ACKR2: variants seen among roughly 807,000 people sequenced by gnomAD.
ACKR2 encodes atypical chemokine receptor 2.
For missense variants in ACKR2, 457 were observed against 477.3 expected, an observed-to-expected ratio of 0.96 and a Z score of 0.40; for synonymous variants, 207 against 192.2, an observed-to-expected ratio of 1.08 and a Z score of -0.64.
chr3:42,865,207 T>C lies in ACKR2; in HGVS notation c.705T>C (p.Cys235=), dbSNP rs142132088. ...TCTTCTTCTACTCCCGTATTGGTTG[T>C]GTCTTGGTGAGGCTGAGGCCCGCAG... is the stretch of plus-strand genomic sequence containing the variant. ...AMIFFYSRIG[C]VLVRLRPAGQ... is the part of the protein sequence containing the mutation. Residue 235 remains cysteine (C), a synonymous_variant, in exon 3 of 3, where the codon TGT becomes TGC. Coordinates refer to ENST00000422265, the MANE Select transcript of ACKR2 (RefSeq NM_001296.5). 316 of 1,614,174 alleles carry C rather than the reference T, an allele frequency of 2.0e-4. No homozygotes were observed. The African/African-American group carries it at 3.6e-3, about 18-fold the overall frequency.
intron 2 of ACKR2, among the ~76,000 whole-genome samples, chr3:42,831,420 A>G (rs1231138380): frequency 6.6e-6 from 1 of 152,206 alleles, no homozygotes; most frequent in African/African-American, 2.4e-5. Flanking sequence ...AGCTGGCATG[A>G]TGCTAAACTT....
At chr3:42,811,497 C>A (rs1700694230) in intron 1 of ACKR2, among the ~76,000 whole-genome samples, 1 of 152,206 alleles carries the variant, frequency 6.6e-6, no homozygotes, top group South Asian at 2.1e-4. Flanking sequence ...CCGCAGGGAC[C>A]TCTGCCCAAG....
chr3:42,859,691 T>A (rs1346179355), intron 2 of ACKR2, among the ~76,000 whole-genome samples: 1 of 152,088 alleles, frequency 6.6e-6, no homozygotes, highest in Non-Finnish European at 1.5e-5. Flanking sequence ...TTCAACATTC[T>A]TAAAGAGAAG....
At chr3:42,818,468 C>A (rs1276327651) in intron 1 of ACKR2, among the ~76,000 whole-genome samples, 4 of 152,184 alleles carry the variant, frequency 2.6e-5, no homozygotes. Flanking sequence ...GTGCTCTGAG[C>A]AAACTGGCCC....
chr3:42,848,861 C>G (rs926595030), intron 2 of ACKR2, among the ~76,000 whole-genome samples: 2 of 152,188 alleles, frequency 1.3e-5, no homozygotes, highest in African/African-American at 4.8e-5. Context: ...GACATAAGAT[C>G]ACTTCTGTGT....
chr3:42,819,790 T>C (rs1347663396), intron 2 of ACKR2, 79 bp downstream of exon 2: 1 of 152,300 alleles, frequency 6.6e-6, no homozygotes, highest in East Asian at 1.9e-4. Context: ...CTGCAGGCCC[T>C]TCTGGCTTTT....
At position 42,865,479 on chromosome 3, in the gene ACKR2, T is replaced by TC; in HGVS notation, c.979dup (p.Leu327ProfsTer23). 6.2e-7 allele frequency: 1 copy of TC among 1,614,186 alleles called. No individual in the cohort carries two copies. The highest frequency in any genetic ancestry group is 1.3e-5 in the African/African-American group (1 of 75,040). ...CGCTTCCGCCAGTACCTGAAGGCTT[T>TC]CCTGGCTGCCGTGCTTGGATGGCAC... On this transcript the variant is annotated frameshift_variant, in exon 3 of 3. Transcript: ENST00000422265. LOFTEE classifies it low-confidence loss of function (END_TRUNC).
chr3:42,848,016 A>C (rs971721479), intron 2 of ACKR2, among the ~76,000 whole-genome samples: 2 of 151,968 alleles, frequency 1.3e-5, no homozygotes, highest in Non-Finnish European at 2.9e-5. Context: ...ACACTGAGGG[A>C]GTGACTTAGC....
At chr3:42,832,493 T>A (rs1216671853) in intron 2 of ACKR2, among the ~76,000 whole-genome samples, 5 of 149,818 alleles carry the variant, frequency 3.3e-5, no homozygotes, top group Non-Finnish European at 7.4e-5. Flanking sequence ...CAATACTCTG[T>A]CTCAAAAAAA....
At chr3:42,856,397 C>T in intron 2 of ACKR2, 1 of 702,928 alleles carries the variant, frequency 1.4e-6, no homozygotes, top group Non-Finnish European at 2.6e-6. Flanking sequence ...ATAGTTCCAT[C>T]AGCCATGAGA....
intron 2 of ACKR2, among the ~76,000 whole-genome samples, chr3:42,856,639 T>C (rs1227856430): frequency 2.0e-5 from 3 of 152,028 alleles, no homozygotes; most frequent in Non-Finnish European, 4.4e-5. Flanking sequence ...ATTGAACATA[T>C]TAAAAAGTTC....
chr3:42,817,717 C>A (rs910067535), intron 1 of ACKR2, among the ~76,000 whole-genome samples: 1 of 152,178 alleles, frequency 6.6e-6, no homozygotes, highest in Non-Finnish European at 1.5e-5. Flanking sequence ...ATCTTCCCCC[C>A]AACCCAGCTC....
Position 42,864,536 on chromosome 3 carries a change from A to C in ACKR2, c.34A>C (p.Thr12Pro). 1 of 1,611,482 alleles carries C rather than the reference A, an allele frequency of 6.2e-7. No homozygotes were observed. The highest frequency in any genetic ancestry group is 8.5e-7 in the Non-Finnish European group (1 of 1,178,188). ...AATASPQPLA[T>P]EDADSENSSF... Reference sequence around the variant, plus strand: ...CACTGCCTCTCCGCAGCCACTCGCCACTGAGGATGCCGATTCTGAGAATAG... The same window carrying C: ...CACTGCCTCTCCGCAGCCACTCGCCCCTGAGGATGCCGATTCTGAGAATAG... Residue 12 changes from threonine to proline, a missense_variant, in exon 3 of 3, where the codon ACT becomes CCT. Transcript: ENST00000422265.
chr3:42,844,053 T>G (rs1425600114), intron 2 of ACKR2: 1 of 152,138 alleles, frequency 6.6e-6, no homozygotes, highest in African/African-American at 2.4e-5. Flanking sequence ...CGGACAGCCT[T>G]TGGATAAAGC....
intron 2 of ACKR2, among the ~76,000 whole-genome samples, chr3:42,855,031 A>T (rs2088297870): frequency 6.6e-6 from 1 of 151,600 alleles, no homozygotes; most frequent in Non-Finnish European, 1.5e-5. Context: ...TATTTTTTGT[A>T]TTTTTAGTAG....
chr3:42,867,030 ACCT>A lies in ACKR2; in HGVS notation c.*1374_*1376del, dbSNP rs2125628073. 1 of 160,606 alleles carries A rather than the reference ACCT, an allele frequency of 6.2e-6. No individual in the cohort carries two copies. Among genetic ancestry groups the A allele is most frequent in the East Asian group, 1.9e-4 (1 of 5,170 alleles). 9.9% of individuals were successfully genotyped at this position (160,606 alleles called of 1,614,324 possible). A position where few individuals can be genotyped will look rare whatever the true frequency, so the allele number is the denominator to read the frequency against. On this transcript the variant is annotated 3_prime_UTR_variant, in exon 3 of 3. Transcript: ENST00000422265. ...TAGGACTACAGGAGCACACCACCAC[ACCT>A]GGCTAATTTTTGTATTTTTTGTGGA...
At chr3:42,849,795 C>G (rs1701133480) in intron 2 of ACKR2, among the ~76,000 whole-genome samples, 1 of 152,192 alleles carries the variant, frequency 6.6e-6, no homozygotes, top group Non-Finnish European at 1.5e-5. Flanking sequence ...TTTATACATT[C>G]AGTTTGGTTA....
chr3:42,833,669 A>G (rs2125609768), intron 2 of ACKR2, among the ~76,000 whole-genome samples: 1 of 152,084 alleles, frequency 6.6e-6, no homozygotes, highest in Non-Finnish European at 1.5e-5. Flanking sequence ...TTGACCACAC[A>G]TACTACTTAG....
chr3:42,817,526 G>T (rs1559683281), intron 1 of ACKR2, among the ~76,000 whole-genome samples: 1 of 151,886 alleles, frequency 6.6e-6, no homozygotes, highest in Non-Finnish European at 1.5e-5. Context: ...TTTTGCCATT[G>T]AATCTGTCAG....
Sources: allele counts gnomAD v4.1 joint callset (sites outside exome capture counted in the v4.1 genomes callset), GRCh38; gene constraint gnomAD v4.1.1; transcripts MANE v1.5; gene names NCBI Gene and HGNC (gene_info 2026-07-23, HGNC 2026-07-21).